PMPCB: variants seen among roughly 807,000 people sequenced by gnomAD.
The protein encoded by PMPCB is peptidase, mitochondrial processing subunit beta.
A neutral mutation model predicts 61.5 loss-of-function variants in PMPCB; 46 were observed. That is an observed-to-expected ratio of 0.75 (90% CI 0.59 to 0.96). PMPCB has a LOEUF of 0.96. PMPCB is among the 40% of genes least tolerant of loss of function. PMPCB has a pLI of 0.00. For synonymous variants in PMPCB, 191 were observed against 201.6 expected, an observed-to-expected ratio of 0.95 and a Z score of 0.44; for missense variants, 590 against 602.4, an observed-to-expected ratio of 0.98 and a Z score of 0.22.
At chr7:103,347,374 T>C in the PMPCB span, 1 of 186,774 alleles carries the variant, frequency 5.4e-6, no homozygotes, top group East Asian at 1.2e-4. Context: ...TCAGGTTGTT[T>C]TCTTGTGTGG....
At chr7:103,320,962 C>G (rs1818372926) in intron 12 of PMPCB, 1 of 153,370 alleles carries the variant, frequency 6.5e-6, no homozygotes, top group African/African-American at 2.4e-5. Context: ...CTTTGGGAGT[C>G]CAAGGCAGGG....
At chr7:103,314,976 A>G (rs772528321), downstream of PMPCB, among the ~76,000 whole-genome samples, 2 of 152,170 alleles carry the variant, frequency 1.3e-5, no homozygotes, top group African/African-American at 2.4e-5. Context: ...AAAAAAATTT[A>G]TATCACATCC....
At chr7:103,330,200 A>G (rs974286786), downstream of PMPCB, among the ~76,000 whole-genome samples, 3 of 152,228 alleles carry the variant, frequency 2.0e-5, no homozygotes, top group Non-Finnish European at 4.4e-5. Context: ...CTATATTAAT[A>G]TACTTCCTAA....
intron 7 of PMPCB, among the ~76,000 whole-genome samples, chr7:103,307,954 G>A (rs1817632681): frequency 6.6e-6 from 1 of 152,214 alleles, no homozygotes; most frequent in Non-Finnish European, 1.5e-5. Context: ...CTGAAAGGAA[G>A]CAAAGTTTTT....
At chr7:103,316,162 T>C (rs1818042859), downstream of PMPCB, 1 of 911,014 alleles carries the variant, frequency 1.1e-6, no homozygotes, top group Non-Finnish European at 1.6e-6. Context: ...AACCATTAGA[T>C]TTTTACTGCA....
chr7:103,321,543 T>C (rs1231844700), intron 12 of PMPCB, among the ~76,000 whole-genome samples: 1 of 146,810 alleles, frequency 6.8e-6, no homozygotes, highest in African/African-American at 2.6e-5. Context: ...TAAAAATAAT[T>C]TTTTTTTTTC....
chr7:103,320,661 G>A (rs542087643), intron 12 of PMPCB, among the ~76,000 whole-genome samples: 18 of 150,828 alleles, frequency 1.2e-4, no homozygotes, highest in African/African-American at 4.4e-4. Context: ...GGAGCATGGC[G>A]TGAACCCAGG....
In PMPCB at chr7:103,312,674, G is replaced by GT; in HGVS notation, c.*405dup. 1 of 1,603,368 alleles carries GT rather than the reference G, an allele frequency of 6.2e-7. No individual in the cohort carries two copies. The highest frequency in any genetic ancestry group is 8.5e-7 in the Non-Finnish European group (1 of 1,177,388). On this transcript the variant is annotated 3_prime_UTR_variant, in exon 13 of 13. Coordinates refer to ENST00000249269, the MANE Select transcript of PMPCB (RefSeq NM_004279.3). Reference sequence around the variant, plus strand: ...AAGGGAGAAAGGTGTGATTTAAGAAGTTGCGATTTAAAAACAGACATTTTA... The same window carrying GT: ...AAGGGAGAAAGGTGTGATTTAAGAAGTTTGCGATTTAAAAACAGACATTTTA...
At chr7:103,299,101 G>T (rs146590948) in intron 2 of PMPCB, among the ~76,000 whole-genome samples, 174 of 152,312 alleles carry the variant, frequency 1.1e-3, no homozygotes, top group African/African-American at 4.0e-3. Flanking sequence ...AAATGGTTTT[G>T]TTCAGGTAAC....
chr7:103,297,823 C>A, intron 1 of PMPCB: 1 of 1,517,870 alleles, frequency 6.6e-7, no homozygotes, highest in Admixed American at 2.0e-5. Context: ...CATGTTTGAC[C>A]ACTAAAAACG....
Position 103,313,649 on chromosome 7 carries a change from G to C in PMPCB, c.*1378G>C. On this transcript the variant is annotated 3_prime_UTR_variant, in exon 13 of 13. Coordinates refer to ENST00000249269, the MANE Select transcript of PMPCB (RefSeq NM_004279.3). ...CAAGCTGAGATTAGATTGTGTTGTA[G>C]TGTGGTGTTCTCTTCGTCACATCTG... is the stretch of plus-strand genomic sequence containing the variant. 1 of 985,414 alleles carries C rather than the reference G, an allele frequency of 1.0e-6. No individual in the cohort carries two copies. The highest frequency in any genetic ancestry group is 1.2e-6 in the Non-Finnish European group (1 of 829,918). The allele number at this position is 985,414 out of a possible 1,614,324, so 61.0% of individuals were successfully genotyped here.
intron 12 of PMPCB, chr7:103,327,610 A>C: frequency 8.0e-7 from 1 of 1,249,282 alleles, no homozygotes; most frequent in Non-Finnish European, 1.2e-6. Context: ...CAATTAATAA[A>C]TAACAATTAC....
At chr7:103,341,063 G>C in the PMPCB span, among the ~76,000 whole-genome samples, 1 of 152,172 alleles carries the variant, frequency 6.6e-6, no homozygotes, top group Non-Finnish European at 1.5e-5. Context: ...ACCAAAGCCT[G>C]TTAATGCTAC....
chr7:103,324,941 C>T (rs1234618806), intron 12 of PMPCB, among the ~76,000 whole-genome samples: 1 of 152,166 alleles, frequency 6.6e-6, no homozygotes, highest in East Asian at 1.9e-4. Context: ...GTAGGCCTAG[C>T]CCTTTAAAAA....
At chr7:103,302,620 C>T (rs1385282696) in intron 4 of PMPCB, among the ~76,000 whole-genome samples, 1 of 152,150 alleles carries the variant, frequency 6.6e-6, no homozygotes, top group Non-Finnish European at 1.5e-5. Flanking sequence ...ATGATCTCAG[C>T]CACAGCTTAC....
chr7:103,324,588 A>G (rs1818600355), intron 12 of PMPCB: 2 of 1,425,050 alleles, frequency 1.4e-6, no homozygotes, highest in Non-Finnish European at 1.9e-6. Context: ...AAATATTCTT[A>G]CAATTCTTCA....
chr7:103,310,048 CTAGTTT>C (rs1438053067), intron 8 of PMPCB, among the ~76,000 whole-genome samples: 1 of 152,172 alleles, frequency 6.6e-6, no homozygotes, highest in African/African-American at 2.4e-5. Context: ...TAATAGCCAT[CTAGTTT>C]TAGAAGTAGG....
At chr7:103,331,537 T>TA (rs1230483769), downstream of PMPCB, among the ~76,000 whole-genome samples, 37 of 152,318 alleles carry the variant, frequency 2.4e-4, no homozygotes, top group Admixed American at 1.7e-3. Context: ...GCCTCTGGTA[T>TA]CTATCATTCT....
intron 3 of PMPCB, 90 bp from the exon 4 acceptor site, chr7:103,300,088 A>G: frequency 7.9e-7 from 1 of 1,273,392 alleles, no homozygotes; most frequent in Non-Finnish European, 1.1e-6. Context: ...GCATGAAACT[A>G]ACTTATGTCC....
Sources: gnomAD v4.1 joint callset for allele counts (sites outside exome capture counted in the v4.1 genomes callset) on GRCh38, gnomAD v4.1.1 for gene constraint, MANE v1.5 for transcripts, NCBI Gene and HGNC (gene_info 2026-07-23, HGNC 2026-07-21) for gene names.